Variants in ABRAXAS2 observed in about 807,000 individuals in gnomAD.
ABRAXAS2 encodes the protein abraxas 2, BRISC complex subunit, also known as BRISC complex subunit Abraxas 2.
Under a neutral mutation model 49.0 loss-of-function variants are expected in ABRAXAS2, and 23 were observed. The observed-to-expected ratio is 0.47, with a 90% CI of 0.34 to 0.66. ABRAXAS2 has a LOEUF of 0.66. Among genes scored for constraint, ABRAXAS2 ranks in the 30% least tolerant of loss-of-function variants. The pLI is 0.01. For synonymous variants in ABRAXAS2, 168 were observed against 180.2 expected (o/e 0.93, Z 0.54); for missense variants, 443 against 511.9 (o/e 0.87, Z 1.30).
chr10:124,806,798 T>C, intron 1 of ABRAXAS2, 33 bp from the exon 2 acceptor site: 1 of 1,365,740 alleles, frequency 7.3e-7, no homozygotes, highest in East Asian at 2.3e-5. Flanking sequence ...TTTTTATTTT[T>C]AGTCTGCAAT....
chr10:124,822,810 ACT>A (rs1378857699), intron 4 of ABRAXAS2, among the ~76,000 whole-genome samples: 4 of 149,390 alleles, frequency 2.7e-5, no homozygotes, highest in South Asian at 2.1e-4. Flanking sequence ...AAAAAAAAAG[ACT>A]CTATTATGTA....
chr10:124,804,674 G>GT (rs35190235), intron 1 of ABRAXAS2, among the ~76,000 whole-genome samples: 13,503 of 140,682 alleles, frequency 0.096, 953 homozygotes, highest in African/African-American at 0.19. Context: ...ATCTCAGAGA[G>GT]TTTTTTTTTT....
chr10:124,830,023 G>A (rs1171325907), intron 7 of ABRAXAS2, among the ~76,000 whole-genome samples: 2 of 152,174 alleles, frequency 1.3e-5, no homozygotes, highest in Non-Finnish European at 2.9e-5. Context: ...CATCCCCGCT[G>A]TGTTTTTAGG....
chr10:124,820,496 T>G (rs1950855469), intron 4 of ABRAXAS2, among the ~76,000 whole-genome samples: 1 of 152,180 alleles, frequency 6.6e-6, no homozygotes, highest in Non-Finnish European at 1.5e-5. Flanking sequence ...TTTTTTATTT[T>G]TTTGAGATGG....
chr10:124,807,041 G>A (rs565441133), intron 2 of ABRAXAS2, 120 bp downstream of exon 2: 179 of 726,180 alleles, frequency 2.5e-4, no homozygotes, highest in African/African-American at 1.4e-3. Context: ...TGCCAGGCGC[G>A]GTGGCTCACG....
chr10:124,806,749 TTATATGTCC>T, intron 1 of ABRAXAS2, 73 bp from the exon 2 acceptor site: 1 of 889,906 alleles, frequency 1.1e-6, no homozygotes, highest in Non-Finnish European at 1.8e-6. Flanking sequence ...AATTATAAAT[TTATATGTCC>T]TCAATTCCTC....
At chr10:124,813,199 TCAA>T (rs1289092077) in intron 2 of ABRAXAS2, among the ~76,000 whole-genome samples, 3 of 152,178 alleles carry the variant, frequency 2.0e-5, no homozygotes, top group Admixed American at 1.3e-4. Flanking sequence ...AGACTCCATC[TCAA>T]CAACAACAAA....
chr10:124,815,302 C>T (rs952142823), intron 2 of ABRAXAS2, among the ~76,000 whole-genome samples: 9 of 151,794 alleles, frequency 5.9e-5, no homozygotes, highest in African/African-American at 2.2e-4. Flanking sequence ...TCACGCCATT[C>T]TTTTGCCTCA....
chr10:124,831,599 C>T, intron 8 of ABRAXAS2, 136 bp downstream of exon 8: 1 of 510,308 alleles, frequency 2.0e-6, no homozygotes, highest in Non-Finnish European at 3.4e-6. Context: ...GCAGAGCAGT[C>T]TCTTGTTCAG....
chr10:124,813,052 T>C (rs1950800207), intron 2 of ABRAXAS2, among the ~76,000 whole-genome samples: 1 of 151,998 alleles, frequency 6.6e-6, no homozygotes. Flanking sequence ...AAGTACAAAA[T>C]TAGCCAGGCG....
At chr10:124,820,181 A>G (rs928165790) in intron 4 of ABRAXAS2, among the ~76,000 whole-genome samples, 2 of 152,338 alleles carry the variant, frequency 1.3e-5, no homozygotes, top group East Asian at 3.9e-4. Flanking sequence ...GGAGCAGGTA[A>G]GGATAAAAGG....
At chr10:124,802,452 G>T (rs917947654) in intron 1 of ABRAXAS2, among the ~76,000 whole-genome samples, 3 of 152,182 alleles carry the variant, frequency 2.0e-5, no homozygotes, top group Admixed American at 6.5e-5. Context: ...GGAGCGTTCG[G>T]TGCAGGGTCT....
At chr10:124,831,597 G>A (rs1372898384) in intron 8 of ABRAXAS2, 134 bp downstream of exon 8, 2 of 522,282 alleles carry the variant, frequency 3.8e-6, no homozygotes, top group Admixed American at 3.8e-5. Context: ...GGGCAGAGCA[G>A]TCTCTTGTTC....
Position 124,828,895 on chromosome 10 carries a change from G to A in ABRAXAS2, c.578+20G>A. ...ACATGGGTAAGTTGAAAGGTAAAGT[G>A]CTAGTTTTTTCTTTTGTCAGCAATA... On this transcript the variant is annotated intron_variant, in intron 6 of 8. Transcript: ENST00000298492. The A allele has an allele frequency of 6.2e-7, 1 of 1,607,236 alleles. No individual in the cohort carries two copies. Among genetic ancestry groups the A allele is most frequent in the Non-Finnish European group, 8.5e-7 (1 of 1,177,474 alleles).
chr10:124,801,929 G>C (rs1000872672), intron 1 of ABRAXAS2, 28 bp downstream of exon 1: 1 of 1,608,282 alleles, frequency 6.2e-7, no homozygotes, highest in South Asian at 1.1e-5. Context: ...TGCCGCGCCC[G>C]CTGGGGGCTT....
intron 1 of ABRAXAS2, among the ~76,000 whole-genome samples, 176 bp from the exon 2 acceptor site, chr10:124,806,655 T>C (rs1950746712): frequency 6.6e-6 from 1 of 151,794 alleles, no homozygotes; most frequent in South Asian, 2.1e-4. Flanking sequence ...ATCCAATTAA[T>C]AGATATACCT....
intron 3 of ABRAXAS2, among the ~76,000 whole-genome samples, chr10:124,816,932 A>C (rs1036807081): frequency 6.6e-6 from 1 of 152,238 alleles, no homozygotes; most frequent in Non-Finnish European, 1.5e-5. Flanking sequence ...TTTGTGTTCA[A>C]CTTTAAAAAT....
intron 2 of ABRAXAS2, chr10:124,815,194 T>C (rs1950815505): frequency 6.6e-6 from 1 of 151,766 alleles, no homozygotes. Context: ...AGGCTATGGT[T>C]CCTTTTTTTT....
intron 1 of ABRAXAS2, among the ~76,000 whole-genome samples, chr10:124,806,128 G>A (rs559199570): frequency 2.6e-5 from 4 of 151,586 alleles, no homozygotes; most frequent in South Asian, 2.1e-4. Context: ...GTGAAACCCC[G>A]TCTCTACTAA....
Sources: allele counts gnomAD v4.1 joint callset (sites outside exome capture counted in the v4.1 genomes callset), GRCh38; gene constraint gnomAD v4.1.1; transcripts MANE v1.5; gene names NCBI Gene and HGNC (gene_info 2026-07-23, HGNC 2026-07-21).